Variants in METTL15 observed in about 807,000 individuals in gnomAD.
METTL15 encodes the protein methyltransferase 15, mitochondrial 12S rRNA N4-cytidine, also known as 12S rRNA N(4)-cytidine methyltransferase METTL15.
Under a neutral mutation model 38.3 loss-of-function variants are expected in METTL15, and 34 were observed. The ratio of observed to expected loss-of-function variants is 0.89; its 90% confidence interval spans 0.68 to 1.18. METTL15 has a LOEUF of 1.18. Among genes scored for constraint, METTL15 ranks in the 50% most tolerant of loss-of-function variants. METTL15 has a pLI of 0.00. For synonymous variants in METTL15, 162 were observed against 170.9 expected (o/e 0.95, Z 0.41); for missense variants, 438 against 498.4 (o/e 0.88, Z 1.15).
In METTL15 at chr11:28,113,539, G is replaced by A. The variant is rs150513835; in HGVS notation, c.205G>A (p.Ala69Thr). 7.1e-4 allele frequency: 1,147 copies of A among 1,613,676 alleles called. 9 individuals carry two copies. In the African/African-American group the frequency reaches 0.013, roughly 18 times the overall value. ...TCAAGATAGAGATTTTGAAACTATG[G>A]CTAAATTACATATTCCAGTAATGGT... ...RSQDRDFETM[A>T]KLHIPVMVDE... The change falls in exon 3 of 7, where the codon GCT becomes ACT. Residue 69 changes from alanine to threonine, a missense_variant. By Grantham distance (58) the Ala-to-Thr change is moderately conservative (BLOSUM62 0). Coordinates refer to ENST00000407364, the MANE Select transcript of METTL15 (RefSeq NM_001113528.2).
intron 3 of METTL15, among the ~76,000 whole-genome samples, chr11:28,160,419 A>G (rs1850416858): frequency 6.6e-6 from 1 of 152,138 alleles, no homozygotes. Flanking sequence ...TTATTTATGT[A>G]AAACAATAGG....
intron 4 of METTL15, among the ~76,000 whole-genome samples, chr11:28,218,103 T>G (rs1340829367): frequency 6.6e-6 from 1 of 152,164 alleles, no homozygotes; most frequent in Non-Finnish European, 1.5e-5. Context: ...AGAAAGTCAT[T>G]GGTAGCTTGA....
chr11:28,296,641 CTT>C, intron 5 of METTL15, 110 bp from the exon 6 acceptor site: 1 of 1,113,314 alleles, frequency 9.0e-7, no homozygotes, highest in South Asian at 1.6e-5. Flanking sequence ...TAAAACCTCA[CTT>C]CTCCTAGAGT....
intron 4 of METTL15, among the ~76,000 whole-genome samples, chr11:28,281,378 A>C (rs995160836): frequency 1.3e-5 from 2 of 152,154 alleles, no homozygotes; most frequent in African/African-American, 4.8e-5. Context: ...GAAGCTGCCG[A>C]AAGTTCTCCT....
In METTL15 at chr11:28,385,803, C is replaced by CTG. The variant is rs142859435; in HGVS notation, c.*358+23780_*358+23781dup. On this transcript the variant is annotated intron_variant and NMD_transcript_variant, in intron 5 of 7. Transcript: ENST00000532947. ...GCATTACATGTTTGTTTTTAATTTT[C>CTG]TGTGTGTGTGTGTGAGGGGATAGGG... 5.3e-5 allele frequency among the ~76,000 whole-genome samples: 8 copies of CTG among 151,534 alleles called. No homozygotes were observed. The South Asian group carries it at 6.2e-4, about 12-fold the overall frequency.
chr11:28,341,722 C>A (rs1246840586), intron 3 of METTL15, among the ~76,000 whole-genome samples: 1 of 152,058 alleles, frequency 6.6e-6, no homozygotes, highest in African/African-American at 2.4e-5. Flanking sequence ...GTCAAATAGG[C>A]TAAAATAACA....
chr11:28,364,220 T>C (rs1850166561), intron 5 of METTL15, among the ~76,000 whole-genome samples: 1 of 152,200 alleles, frequency 6.6e-6, no homozygotes, highest in Admixed American at 6.5e-5. Context: ...CTGTGAAAAA[T>C]GACATTGGTA....
In METTL15 at chr11:28,330,466, G is replaced by T. The variant is rs1236484586; in HGVS notation, c.849G>T (p.Lys283Asn). 1.3e-6 allele frequency: 2 copies of T among 1,551,588 alleles called. No homozygotes were observed. The highest frequency in any genetic ancestry group is 8.7e-7 in the Non-Finnish European group (1 of 1,146,950). Reference protein sequence around the residue: ...LLQRSTHIATKTFQALRIFVN... With the variant: ...LLQRSTHIATNTFQALRIFVN... Reference sequence around the variant, plus strand: ...AGCGATCTACCCATATTGCCACCAAGACTTTCCAGGCTCTTCGCATATTTG... The same window carrying T: ...AGCGATCTACCCATATTGCCACCAATACTTTCCAGGCTCTTCGCATATTTG... Residue 283 changes from lysine to asparagine, a missense_variant, in exon 7 of 7, where the codon AAG (lysine) becomes AAT (asparagine). Transcript: ENST00000407364.
At chr11:28,275,658 T>G (rs1590248639) in intron 4 of METTL15, among the ~76,000 whole-genome samples, 1 of 131,512 alleles carries the variant, frequency 7.6e-6, no homozygotes, top group Non-Finnish European at 1.7e-5. Context: ...AAAAAAAAAG[T>G]CTACAGGCCA....
At chr11:28,193,030 G>A (rs898634427) in intron 3 of METTL15, among the ~76,000 whole-genome samples, 1 of 151,766 alleles carries the variant, frequency 6.6e-6, no homozygotes, top group African/African-American at 2.4e-5. Context: ...TAAAATCTTA[G>A]GCTTTCAGCA....
chr11:28,375,034 T>C (rs1396180157), intron 5 of METTL15, among the ~76,000 whole-genome samples: 1 of 150,556 alleles, frequency 6.6e-6, no homozygotes, highest in Non-Finnish European at 1.5e-5. Context: ...TCATGGTGGA[T>C]AAGCTTTTTG....
intron 2 of METTL15, among the ~76,000 whole-genome samples, chr11:28,112,340 A>G (rs972542405): frequency 2.0e-5 from 3 of 152,230 alleles, no homozygotes; most frequent in East Asian, 1.9e-4. Flanking sequence ...TGTGCATCTT[A>G]TTTTGTGTAT....
intron 3 of METTL15, among the ~76,000 whole-genome samples, chr11:28,148,023 C>G (rs1217168829): frequency 6.6e-6 from 1 of 151,844 alleles, no homozygotes; most frequent in Admixed American, 6.6e-5. Flanking sequence ...TCTCTTCAGT[C>G]TTCTTATCCA....
At position 28,330,678 on chromosome 11, in the gene METTL15, C is replaced by T; in HGVS notation, c.1061C>T (p.Ser354Phe). Reference sequence around the variant, plus strand: ...GTTAGACAACAAGTGATGAAAACATCTCAATTGGGTTCAGATCACGAAAAC... The same window carrying T: ...GTTAGACAACAAGTGATGAAAACATTTCAATTGGGTTCAGATCACGAAAAC... ...LSVRQQVMKTSQLGSDHENTE... is the reference protein window; with the variant it reads ...LSVRQQVMKTFQLGSDHENTE... Residue 354 changes from serine (S) to phenylalanine (F), a missense_variant, in exon 7 of 7, where the codon TCT becomes TTT. Physicochemically the swap from Ser to Phe is radical, Grantham distance 155. Transcript: ENST00000407364. 6.4e-7 allele frequency: 1 copy of T among 1,551,424 alleles called. No homozygotes were observed. The highest frequency in any genetic ancestry group is 8.7e-7 in the Non-Finnish European group (1 of 1,146,794).
chr11:28,244,413 G>T (rs916227630), intron 4 of METTL15, among the ~76,000 whole-genome samples: 2 of 152,082 alleles, frequency 1.3e-5, no homozygotes, highest in Non-Finnish European at 2.9e-5. Flanking sequence ...TGGTATTTAA[G>T]TAGTTCCAAT....
At chr11:28,118,398 A>T (rs1852065759) in intron 3 of METTL15, among the ~76,000 whole-genome samples, 1 of 152,180 alleles carries the variant, frequency 6.6e-6, no homozygotes, top group Admixed American at 6.5e-5. Context: ...TTAAGGAGAA[A>T]TTAAAGAAAT....
intron 6 of METTL15, among the ~76,000 whole-genome samples, chr11:28,322,470 T>C (rs1439873445): frequency 6.6e-6 from 1 of 152,132 alleles, no homozygotes; most frequent in Non-Finnish European, 1.5e-5. Context: ...AAGCTAAGAT[T>C]TACCTACTAT....
At chr11:28,403,079 TAA>T (rs1850643747) in intron 5 of METTL15, among the ~76,000 whole-genome samples, 1 of 152,032 alleles carries the variant, frequency 6.6e-6, no homozygotes, top group African/African-American at 2.4e-5. Flanking sequence ...GGAGTCAATT[TAA>T]ATGTTACTGC....
chr11:28,229,278 C>T (rs1376000484), intron 4 of METTL15, among the ~76,000 whole-genome samples: 1 of 151,802 alleles, frequency 6.6e-6, no homozygotes, highest in Non-Finnish European at 1.5e-5. Context: ...GCAGTTATTT[C>T]CTGTCTTTAC....
Sources: gnomAD v4.1 joint callset for allele counts (sites outside exome capture counted in the v4.1 genomes callset) on GRCh38, gnomAD v4.1.1 for gene constraint, MANE v1.5 for transcripts, NCBI Gene and HGNC (gene_info 2026-07-23, HGNC 2026-07-21) for gene names.